The following SUGCT variants were observed in gnomAD, a reference collection of about 807,000 sequenced individuals.
SUGCT encodes succinyl-CoA:glutarate CoA-transferase.
SUGCT carries 41 observed loss-of-function variants against 55.0 expected under a neutral mutation model. That is an observed-to-expected ratio of 0.74 (90% CI 0.58 to 0.97). The LOEUF (loss-of-function observed/expected upper bound fraction) is 0.97. SUGCT is among the 50% of genes least tolerant of loss of function. The probability of loss-of-function intolerance (pLI) is 0.00; values close to 1 mark genes in which losing one functional copy is unlikely to be tolerated. For missense variants in SUGCT, 568 were observed against 547.8 expected (o/e 1.04, Z -0.37); for synonymous variants, 187 against 200.4 (o/e 0.93, Z 0.56).
chr7:41,034,482 T>A, the SUGCT span, among the ~76,000 whole-genome samples: 1 of 152,076 alleles, frequency 6.6e-6, no homozygotes, highest in African/African-American at 2.4e-5. Flanking sequence ...ATGAACACAA[T>A]CTTGCTGGGG....
chr7:40,962,565 TCACACACACACA>T, the SUGCT span, among the ~76,000 whole-genome samples: 846 of 136,112 alleles, frequency 6.2e-3, 18 homozygotes, highest in South Asian at 0.093. Context: ...CAAAGGTAAA[TCACACACACACA>T]CACACACACA....
At chr7:40,571,731 C>G (rs948135835) in intron 12 of SUGCT, among the ~76,000 whole-genome samples, 3 of 152,164 alleles carry the variant, frequency 2.0e-5, no homozygotes, top group Non-Finnish European at 4.4e-5. Flanking sequence ...AGCTACTTTT[C>G]TGTCTTCAGA....
At chr7:40,434,632 G>A (rs1273675470) in intron 9 of SUGCT, among the ~76,000 whole-genome samples, 1 of 152,094 alleles carries the variant, frequency 6.6e-6, no homozygotes, top group East Asian at 1.9e-4. Context: ...TCATATAGTA[G>A]TAATTTATCC....
At chr7:40,155,855 ATT>A (rs1369761947) in intron 1 of SUGCT, among the ~76,000 whole-genome samples, 40 of 132,446 alleles carry the variant, frequency 3.0e-4, no homozygotes, top group Admixed American at 3.1e-4. Context: ...GATACCTAAG[ATT>A]TTTTTTTTTT....
chr7:40,843,641 C>T (rs1793399599), intron 13 of SUGCT, among the ~76,000 whole-genome samples: 1 of 151,930 alleles, frequency 6.6e-6, no homozygotes, highest in Admixed American at 6.6e-5. Flanking sequence ...GCAAAGTTCC[C>T]AAGGAGGAAC....
At chr7:40,142,794 T>C (rs1356772457) in intron 1 of SUGCT, among the ~76,000 whole-genome samples, 2 of 152,262 alleles carry the variant, frequency 1.3e-5, no homozygotes, top group African/African-American at 4.8e-5. Flanking sequence ...CTCTTTCTGC[T>C]AATATCATGT....
chr7:40,775,578 T>G (rs1165024032), intron 13 of SUGCT: 2 of 152,194 alleles, frequency 1.3e-5, no homozygotes, highest in African/African-American at 4.8e-5. Flanking sequence ...AAAATTAAGG[T>G]TCAGGTCAAT....
intron 12 of SUGCT, among the ~76,000 whole-genome samples, chr7:40,563,871 T>A (rs1287065662): frequency 6.6e-6 from 1 of 152,216 alleles, no homozygotes; most frequent in African/African-American, 2.4e-5. Context: ...CTGAAAGGCC[T>A]ACTTGTGTAT....
At chr7:40,342,250 G>C (rs574766162) in intron 9 of SUGCT, among the ~76,000 whole-genome samples, 1 of 152,278 alleles carries the variant, frequency 6.6e-6, no homozygotes, top group East Asian at 1.9e-4. Flanking sequence ...GTAATTCATA[G>C]AACAACAGAA....
At chr7:40,408,994 G>A (rs572484194) in intron 9 of SUGCT, among the ~76,000 whole-genome samples, 4 of 152,100 alleles carry the variant, frequency 2.6e-5, no homozygotes, top group Non-Finnish European at 2.9e-5. Flanking sequence ...TTGCTGTGTC[G>A]CCTGGGCTGG....
Position 40,459,201 on chromosome 7 carries a change from A to G in SUGCT, c.986+3A>G, listed in dbSNP as rs778317314. On this transcript the variant is annotated splice_donor_region_variant and intron_variant, in intron 11 of 13. Coordinates refer to ENST00000335693, the MANE Select transcript of SUGCT (RefSeq NM_001193313.2). The stretch of plus-strand genomic sequence containing the variant: ...CTTATTAAAATATTATCTGAACGGT[A>G]AGTTTGGATGTTGTATTCATCCATT... 7 of 1,557,202 alleles carry G rather than the reference A, an allele frequency of 4.5e-6. No individual in the cohort carries two copies. Among genetic ancestry groups the G allele is most frequent in the Non-Finnish European group, 5.3e-6 (6 of 1,131,038 alleles).
chr7:40,763,689 G>T (rs374633584), intron 13 of SUGCT, among the ~76,000 whole-genome samples: 1 of 152,114 alleles, frequency 6.6e-6, no homozygotes, highest in Non-Finnish European at 1.5e-5. Flanking sequence ...CCAGCTCACC[G>T]GGCATTCATA....
chr7:40,590,401 T>C (rs1205329977), intron 12 of SUGCT, among the ~76,000 whole-genome samples: 3 of 152,198 alleles, frequency 2.0e-5, no homozygotes, highest in Non-Finnish European at 4.4e-5. Context: ...AAAGCCAGTA[T>C]GGGCCAAAAC....
intron 12 of SUGCT, among the ~76,000 whole-genome samples, chr7:40,550,857 C>T (rs1583962412): frequency 6.6e-6 from 1 of 152,094 alleles, no homozygotes; most frequent in African/African-American, 2.4e-5. Flanking sequence ...CATCTTTGTT[C>T]TTCAGGATCC....
intron 9 of SUGCT, among the ~76,000 whole-genome samples, chr7:40,420,176 A>G (rs1787229630): frequency 6.6e-6 from 1 of 152,158 alleles, no homozygotes; most frequent in South Asian, 2.1e-4. Context: ...GAATGAGTTG[A>G]TAAAGGAAGA....
At chr7:40,594,183 G>T (rs946268438) in intron 12 of SUGCT, among the ~76,000 whole-genome samples, 1 of 152,000 alleles carries the variant, frequency 6.6e-6, no homozygotes, top group African/African-American at 2.4e-5. Flanking sequence ...GGTGGGGTGC[G>T]GGGAGAGGGG....
intron 12 of SUGCT, among the ~76,000 whole-genome samples, chr7:40,663,370 A>G (rs1391688512): frequency 2.6e-5 from 4 of 151,872 alleles, no homozygotes; most frequent in Non-Finnish European, 4.4e-5. Flanking sequence ...CATCCAGAGA[A>G]AAGTATTTCT....
Position 40,278,840 on chromosome 7 carries a change from T to TC in SUGCT, c.720+4184_720+4185insC, listed in dbSNP as rs1484986479. 2.1e-4 allele frequency among the ~76,000 whole-genome samples: 9 copies of TC among 41,890 alleles called. 1 individual carries two copies. Among genetic ancestry groups the TC allele is most frequent in the African/African-American group, 8.6e-4 (9 of 10,454 alleles). 27.5% of individuals were successfully genotyped at this position (41,890 alleles called of 152,430 possible). On this transcript the variant is annotated intron_variant, in intron 8 of 13. Coordinates refer to ENST00000335693, the MANE Select transcript of SUGCT (RefSeq NM_001193313.2). Reference sequence around the variant, plus strand: ...TTCAGATCTTACATTTTTTTTTTTTTTAAAGAGATACGGTCTCGTGCTTTT... The same window carrying TC: ...TTCAGATCTTACATTTTTTTTTTTTTCTAAAGAGATACGGTCTCGTGCTTTT...
intron 9 of SUGCT, among the ~76,000 whole-genome samples, chr7:40,428,220 G>A (rs1219591844): frequency 2.0e-5 from 3 of 152,080 alleles, no homozygotes; most frequent in Admixed American, 6.6e-5. Context: ...ACATTTGCAT[G>A]AAATTCCTTT....
Sources: allele counts gnomAD v4.1 joint callset (sites outside exome capture counted in the v4.1 genomes callset), GRCh38; gene constraint gnomAD v4.1.1; transcripts MANE v1.5; gene names NCBI Gene and HGNC (gene_info 2026-07-23, HGNC 2026-07-21).